ENTREP1: variants seen among roughly 807,000 people sequenced by gnomAD.
ENTREP1 encodes the protein endosomal transmembrane epsin interactor 1.
the ENTREP1 span, among the ~76,000 whole-genome samples, chr9:69,337,599 C>G: frequency 5.5e-4 from 84 of 152,056 alleles, no homozygotes; most frequent in African/African-American, 2.0e-3. Context: ...TTTTTATTTG[C>G]TATGTCATTT....
At chr9:69,336,084 G>C in the ENTREP1 span, 3 of 503,328 alleles carry the variant, frequency 6.0e-6, no homozygotes, top group Non-Finnish European at 1.0e-5. Flanking sequence ...TAATCCAGGA[G>C]GAATATTAAA....
At chr9:69,354,357 A>G in the ENTREP1 span, among the ~76,000 whole-genome samples, 4 of 146,740 alleles carry the variant, frequency 2.7e-5, no homozygotes, top group African/African-American at 1.0e-4. Flanking sequence ...CCTGGGTTCA[A>G]GTGATTCTCC....
At chr9:69,325,339 C>T in the ENTREP1 span, 7 of 1,183,012 alleles carry the variant, frequency 5.9e-6, no homozygotes, top group Non-Finnish European at 7.3e-6. Flanking sequence ...TCCCGGGCTC[C>T]TGCTGCCCCG....
At chr9:69,347,935 A>AT in the ENTREP1 span, among the ~76,000 whole-genome samples, 3 of 151,920 alleles carry the variant, frequency 2.0e-5, no homozygotes, top group Admixed American at 1.3e-4. Flanking sequence ...CAAATGCATT[A>AT]TTTTTTCTTA....
chr9:69,377,240 C>T, the ENTREP1 span: 3 of 685,560 alleles, frequency 4.4e-6, no homozygotes, highest in Middle Eastern at 2.6e-4. Flanking sequence ...CCATCTAAGT[C>T]CTTTACATGC....
the ENTREP1 span, among the ~76,000 whole-genome samples, chr9:69,390,828 A>T: frequency 6.6e-6 from 1 of 151,820 alleles, no homozygotes; most frequent in South Asian, 2.1e-4. Flanking sequence ...TTTAGTAGAG[A>T]TGAGGTCTTG....
the ENTREP1 span, among the ~76,000 whole-genome samples, chr9:69,384,785 A>C: frequency 2.6e-3 from 391 of 152,234 alleles, 2 homozygotes; most frequent in African/African-American, 9.0e-3. Context: ...GATGAAGGTA[A>C]TTTTTCAGCA....
chr9:69,357,095 C>CAAA, the ENTREP1 span, among the ~76,000 whole-genome samples: 51 of 88,954 alleles, frequency 5.7e-4, no homozygotes, highest in East Asian at 1.9e-3. Flanking sequence ...ACCATCTCTA[C>CAAA]AAAAAAAAAA....
chr9:69,345,143 G>T, the ENTREP1 span, among the ~76,000 whole-genome samples: 1 of 152,176 alleles, frequency 6.6e-6, no homozygotes, highest in Non-Finnish European at 1.5e-5. Context: ...GGTAAGCTCA[G>T]CATTGGTGGG....
the ENTREP1 span, among the ~76,000 whole-genome samples, chr9:69,340,639 GCA>G: frequency 9.3e-3 from 729 of 78,612 alleles, 7 homozygotes; most frequent in Non-Finnish European, 0.011. Context: ...GTGTGTGCGT[GCA>G]TGTGTGTGTG....
chr9:69,334,816 G>A, the ENTREP1 span, among the ~76,000 whole-genome samples: 2 of 128,726 alleles, frequency 1.6e-5, no homozygotes, highest in African/African-American at 3.0e-5. Flanking sequence ...TCATTCTATC[G>A]CCCAGGCTGG....
chr9:69,334,875 C>T, the ENTREP1 span, among the ~76,000 whole-genome samples: 5 of 149,418 alleles, frequency 3.3e-5, no homozygotes, highest in Admixed American at 3.4e-4. Flanking sequence ...CTCCTGGGTT[C>T]AGGCGACTCT....
the ENTREP1 span, among the ~76,000 whole-genome samples, chr9:69,330,865 G>A: frequency 6.6e-6 from 1 of 152,156 alleles, no homozygotes; most frequent in Non-Finnish European, 1.5e-5. Flanking sequence ...ACATAGGAGA[G>A]TGCATCACTG....
the ENTREP1 span, among the ~76,000 whole-genome samples, chr9:69,367,828 T>A: frequency 8.9e-3 from 948 of 106,286 alleles, 42 homozygotes; most frequent in Non-Finnish European, 0.014. Flanking sequence ...TATATAAATA[T>A]ATATATACAC....
the ENTREP1 span, among the ~76,000 whole-genome samples, chr9:69,368,372 T>C: frequency 6.6e-6 from 1 of 152,146 alleles, no homozygotes; most frequent in Non-Finnish European, 1.5e-5. Flanking sequence ...ATGTTTCTTC[T>C]ATGCCTAGTC....
chr9:69,347,480 CA>C, the ENTREP1 span, among the ~76,000 whole-genome samples: 1 of 152,196 alleles, frequency 6.6e-6, no homozygotes, highest in African/African-American at 2.4e-5. Flanking sequence ...GGAAACAGAG[CA>C]GATTGAGGCC....
At chr9:69,328,076 A>G in the ENTREP1 span, among the ~76,000 whole-genome samples, 1 of 152,188 alleles carries the variant, frequency 6.6e-6, no homozygotes, top group African/African-American at 2.4e-5. Context: ...GTTTACATTT[A>G]TGCAGTATAC....
chr9:69,340,666 C>CATGTGTGTGTGCATGCATGTGTGTGT, the ENTREP1 span, among the ~76,000 whole-genome samples: 1 of 108,650 alleles, frequency 9.2e-6, no homozygotes, highest in Non-Finnish European at 1.8e-5. Flanking sequence ...TGTGTGTGTG[C>CATGTGTGTGTGCATGCATGTGTGTGT]GTGTGTGTGT....
the ENTREP1 span, chr9:69,336,235 G>C: frequency 6.3e-7 from 1 of 1,587,146 alleles, no homozygotes; most frequent in South Asian, 1.1e-5. Context: ...GGAATCATAG[G>C]ATTAACAACT....
Sources: allele counts gnomAD v4.1 joint callset (sites outside exome capture counted in the v4.1 genomes callset), GRCh38; gene constraint gnomAD v4.1.1; transcripts MANE v1.5; gene names NCBI Gene and HGNC (gene_info 2026-07-23, HGNC 2026-07-21).